Variants in LCP2 observed in about 807,000 individuals in gnomAD.
LCP2 encodes the protein lymphocyte cytosolic protein 2, also known as 76 kDa tyrosine phosphoprotein.
In LCP2, 29 loss-of-function variants were observed where a neutral mutation model predicts 74.5. That is an observed-to-expected ratio of 0.39 (90% CI 0.29 to 0.53). The LOEUF is 0.53. LCP2 is among the 20% of genes least tolerant of loss of function. The pLI is 0.72. For missense variants in LCP2, 604 were observed against 634.6 expected (o/e 0.95, Z 0.52); for synonymous variants, 228 against 229.5 (o/e 0.99, Z 0.06).
intron 2 of LCP2, among the ~76,000 whole-genome samples, chr5:170,290,990 AAGAAAGAAAGAGAGAAAGAAAG>A (rs1561979123): frequency 1.4e-5 from 1 of 71,294 alleles, no homozygotes; most frequent in African/African-American, 5.6e-5. Context: ...GAAAGAAAGA[AAGAAAGAAAGAGAGAAAGAAAG>A]AGAGAAAGAA....
intron 4 of LCP2, chr5:170,275,552 T>C (rs901963741): frequency 6.1e-6 from 4 of 658,160 alleles, no homozygotes; most frequent in Non-Finnish European, 1.0e-5. Context: ...ATCAGTGGCA[T>C]GACTGGAAGC....
intron 10 of LCP2, among the ~76,000 whole-genome samples, chr5:170,263,980 A>G (rs1298246067): frequency 6.6e-6 from 1 of 152,158 alleles, no homozygotes; most frequent in Non-Finnish European, 1.5e-5. Flanking sequence ...AGGGAAAAGC[A>G]CTCAGGACAC....
intron 14 of LCP2, 96 bp from the exon 15 acceptor site, chr5:170,258,974 T>C (rs1761608410): frequency 1.3e-6 from 1 of 793,246 alleles, no homozygotes; most frequent in African/African-American, 1.7e-5. Context: ...ATCAAATAGG[T>C]ATCTGTTTCT....
At chr5:170,273,423 A>T (rs1295862720) in intron 6 of LCP2, among the ~76,000 whole-genome samples, 1 of 152,082 alleles carries the variant, frequency 6.6e-6, no homozygotes, top group Non-Finnish European at 1.5e-5. Flanking sequence ...TTTTTTTTCC[A>T]ATTAAATACT....
intron 3 of LCP2, among the ~76,000 whole-genome samples, chr5:170,279,798 T>C (rs1581070910): frequency 2.0e-5 from 3 of 151,870 alleles, no homozygotes; most frequent in Non-Finnish European, 4.4e-5. Flanking sequence ...AGAGTGGGGG[T>C]ATGCGGGGCC....
chr5:170,271,617 A>C (rs1287916670), intron 6 of LCP2, among the ~76,000 whole-genome samples: 1 of 151,912 alleles, frequency 6.6e-6, no homozygotes, highest in Non-Finnish European at 1.5e-5. Flanking sequence ...GATCTCAGGG[A>C]AAGTAAGCCC....
At chr5:170,268,753 C>G (rs1761824417) in intron 7 of LCP2, among the ~76,000 whole-genome samples, 1 of 152,056 alleles carries the variant, frequency 6.6e-6, no homozygotes, top group Admixed American at 6.5e-5. Flanking sequence ...TTTTGCCAAT[C>G]AAGAAAGGCC....
intron 2 of LCP2, among the ~76,000 whole-genome samples, chr5:170,289,643 T>TTCTCTCTCTCTCTCTC (rs1416875171): frequency 5.5e-5 from 6 of 110,058 alleles, no homozygotes; most frequent in African/African-American, 2.3e-4. Flanking sequence ...CTTTCTTTCT[T>TTCTCTCTCTCTCTCTC]TCTTTCTTTC....
chr5:170,275,739 T>C, intron 4 of LCP2, 56 bp downstream of exon 4: 1 of 1,415,942 alleles, frequency 7.1e-7, no homozygotes, highest in Non-Finnish European at 9.8e-7. Context: ...GCCTCCCTTT[T>C]AAGGTTCAAC....
At chr5:170,288,196 G>T (rs1453335890) in intron 2 of LCP2, among the ~76,000 whole-genome samples, 180 bp from the exon 3 acceptor site, 2 of 115,630 alleles carry the variant, frequency 1.7e-5, no homozygotes, top group South Asian at 5.7e-4. Flanking sequence ...TTGCCTAAAA[G>T]CCTGTGGGCC....
chr5:170,270,827 C>T lies in LCP2; in HGVS notation c.415G>A (p.Val139Met), dbSNP rs369823137. The change falls in exon 7 of 21, where the codon GTG becomes ATG. Residue 139 changes from valine (V) to methionine (M), a missense_variant. Coordinates refer to ENST00000046794, the MANE Select transcript of LCP2 (RefSeq NM_005565.5). ...ESPNEEEEAPVEDDADYEPPP... is the reference protein window; with the variant it reads ...ESPNEEEEAPMEDDADYEPPP... ...GGCTCATAATCCGCGTCATCTTCCA[C>T]GGGTGCCTCTTCCTCCTCATTGGGG... 31 of 1,612,026 alleles carry T rather than the reference C, an allele frequency of 1.9e-5. No individual in the cohort carries two copies. The highest frequency in any genetic ancestry group is 5.0e-5 in the Admixed American group (3 of 59,722).
chr5:170,296,542 T>C (rs550968670), intron 1 of LCP2, among the ~76,000 whole-genome samples: 1 of 152,208 alleles, frequency 6.6e-6, no homozygotes, highest in Non-Finnish European at 1.5e-5. Context: ...TACAATCTCA[T>C]CTTTATGACA....
intron 2 of LCP2, among the ~76,000 whole-genome samples, chr5:170,292,357 G>A (rs1472627979): frequency 6.6e-6 from 1 of 152,164 alleles, no homozygotes; most frequent in Non-Finnish European, 1.5e-5. Flanking sequence ...ATGACTGTGG[G>A]TGGTGGTGAG....
In LCP2 at chr5:170,297,733, A is replaced by G; in HGVS notation, c.-122T>C. 1.4e-6 allele frequency: 1 copy of G among 736,836 alleles called. No individual in the cohort carries two copies. The highest frequency in any genetic ancestry group is 2.2e-6 in the Non-Finnish European group (1 of 455,022). The allele number at this position is 736,836 out of a possible 1,614,324, so 45.6% of individuals were successfully genotyped here. A position where few individuals can be genotyped will look rare whatever the true frequency, so the allele number is the denominator to read the frequency against. On this transcript the variant is annotated 5_prime_UTR_variant, in exon 1 of 21. Coordinates refer to ENST00000046794, the MANE Select transcript of LCP2 (RefSeq NM_005565.5). The stretch of plus-strand genomic sequence containing the variant: ...TTCCAACTCCCAGCTACCCTGTGGA[A>G]CACCCCTGTTGGAGCCGATGTCTTT...
intron 6 of LCP2, among the ~76,000 whole-genome samples, chr5:170,271,508 C>T (rs1438268074): frequency 3.3e-5 from 5 of 152,094 alleles, no homozygotes; most frequent in South Asian, 2.1e-4. Flanking sequence ...TCAACACATC[C>T]ATTATTCATG....
At chr5:170,250,627 T>A (rs967514065) in intron 20 of LCP2, 103 bp downstream of exon 20, 53 of 889,284 alleles carry the variant, frequency 6.0e-5, no homozygotes, top group Non-Finnish European at 8.9e-5. Flanking sequence ...GATTTAATCC[T>A]AAATTTGCCA....
At chr5:170,267,333 CA>C in intron 8 of LCP2, 2 of 566,264 alleles carry the variant, frequency 3.5e-6, no homozygotes, top group Non-Finnish European at 3.2e-6. Context: ...ACATTAGAAA[CA>C]AAATTGAAAC....
At chr5:170,251,116 G>T in intron 19 of LCP2, 1 of 441,780 alleles carries the variant, frequency 2.3e-6, no homozygotes, top group Non-Finnish European at 4.0e-6. Context: ...TTGTATCAAA[G>T]AAATTTCCAA....
At chr5:170,281,559 C>T (rs1435753848) in intron 3 of LCP2, among the ~76,000 whole-genome samples, 1 of 152,210 alleles carries the variant, frequency 6.6e-6, no homozygotes, top group Admixed American at 6.5e-5. Context: ...GGATTACAGG[C>T]ATTTGAGTGG....
Sources: gnomAD v4.1 joint callset for allele counts (sites outside exome capture counted in the v4.1 genomes callset) on GRCh38, gnomAD v4.1.1 for gene constraint, MANE v1.5 for transcripts, NCBI Gene and HGNC (gene_info 2026-07-23, HGNC 2026-07-21) for gene names.